Variants in DSCAM observed in about 807,000 individuals in gnomAD.
The protein encoded by DSCAM is DS cell adhesion molecule.
A neutral mutation model predicts 217.7 loss-of-function variants in DSCAM; 47 were observed. The ratio of observed to expected loss-of-function variants is 0.22; its 90% CI spans 0.17 to 0.28. DSCAM has a LOEUF of 0.28. Ranked by LOEUF, DSCAM falls within the 10% of genes least tolerant of loss-of-function variation. The pLI, the probability that DSCAM is intolerant of heterozygous loss-of-function variation, is 1.00. For missense variants in DSCAM, 2,080 were observed against 2,618.3 expected, an observed-to-expected ratio of 0.79 and a Z score of 4.49; for synonymous variants, 1,056 against 1,015.3, an observed-to-expected ratio of 1.04 and a Z score of -0.76.
At chr21:40,163,070 AACACACAC>A (rs3069756) in intron 16 of DSCAM, among the ~76,000 whole-genome samples, 185 of 143,234 alleles carry the variant, frequency 1.3e-3, no homozygotes, top group African/African-American at 4.2e-3. Flanking sequence ...GACCATGGCA[AACACACAC>A]ACACACACAC....
Position 40,382,049 on chromosome 21 carries a change from C to G in DSCAM, c.509-12804G>C, listed in dbSNP as rs576907721. ...GTCAGAGCAAAAAATGTTTGAAGAG[C>G]CTTTTTCAACATCTTAGTGATGGAA... On this transcript the variant is annotated intron_variant, in intron 3 of 32. Coordinates refer to ENST00000400454, the MANE Select transcript of DSCAM (RefSeq NM_001389.5). Among the ~76,000 whole-genome samples the G allele has an allele frequency of 6.6e-5, 10 of 152,226 alleles. No homozygotes were observed. In the South Asian group the frequency reaches 8.3e-4, roughly 13 times the overall value.
chr21:40,588,924 A>G (rs982207186), intron 3 of DSCAM, among the ~76,000 whole-genome samples: 3 of 152,228 alleles, frequency 2.0e-5, no homozygotes, highest in Admixed American at 6.5e-5. Context: ...AATGATCAGT[A>G]TTCTGTAGCC....
chr21:40,637,458 CAAAT>C (rs1315454152), intron 3 of DSCAM, among the ~76,000 whole-genome samples: 1 of 9,098 alleles, frequency 1.1e-4, no homozygotes, highest in African/African-American at 4.1e-4. Flanking sequence ...TAAATATATA[CAAAT>C]ATATATAAAT....
At chr21:40,793,122 G>T (rs928338963) in intron 1 of DSCAM, among the ~76,000 whole-genome samples, 2 of 152,210 alleles carry the variant, frequency 1.3e-5, no homozygotes, top group African/African-American at 4.8e-5. Context: ...ATAGATGTTT[G>T]CACGTAGTTA....
intron 27 of DSCAM, among the ~76,000 whole-genome samples, chr21:40,068,418 T>C (rs1018738423): frequency 6.6e-6 from 1 of 152,128 alleles, no homozygotes; most frequent in Admixed American, 6.5e-5. Flanking sequence ...AGAAGGAATA[T>C]GTATATGTGC....
chr21:40,669,634 A>G (rs1014808222), intron 3 of DSCAM, among the ~76,000 whole-genome samples: 1 of 150,758 alleles, frequency 6.6e-6, no homozygotes, highest in Non-Finnish European at 1.5e-5. Context: ...GTCAGAGTAC[A>G]GCAGCTTGAT....
intron 3 of DSCAM, among the ~76,000 whole-genome samples, chr21:40,669,675 C>A (rs1411571094): frequency 6.6e-6 from 1 of 151,222 alleles, no homozygotes; most frequent in African/African-American, 2.4e-5. Context: ...ATCTCCCGGG[C>A]TCAAGCAATT....
chr21:40,429,466 C>G (rs2075509485), intron 3 of DSCAM, among the ~76,000 whole-genome samples: 1 of 152,000 alleles, frequency 6.6e-6, no homozygotes, highest in Admixed American at 6.6e-5. Context: ...TGGAGTTTCT[C>G]CATGTTGGTC....
At chr21:40,124,592 G>A (rs1457487997) in intron 19 of DSCAM, among the ~76,000 whole-genome samples, 5 of 152,038 alleles carry the variant, frequency 3.3e-5, no homozygotes, top group African/African-American at 9.7e-5. Flanking sequence ...CAGTACTTCT[G>A]GTGTCCTTAT....
chr21:40,652,008 G>A (rs1488280579), intron 3 of DSCAM, among the ~76,000 whole-genome samples: 1 of 152,092 alleles, frequency 6.6e-6, no homozygotes, highest in African/African-American at 2.4e-5. Context: ...TGTTCTCTAG[G>A]GCCATACTTC....
chr21:40,369,012 C>A (rs2074864380), intron 4 of DSCAM, 87 bp downstream of exon 4: 3 of 1,385,170 alleles, frequency 2.2e-6, no homozygotes, highest in Non-Finnish European at 9.4e-7. Flanking sequence ...ATTTTAGTGG[C>A]AACACTCCAC....
chr21:40,211,227 CA>C (rs2146880139), intron 11 of DSCAM, among the ~76,000 whole-genome samples: 1 of 152,316 alleles, frequency 6.6e-6, no homozygotes, highest in East Asian at 1.9e-4. Context: ...AGCAGCATTC[CA>C]AACTATGGAT....
At chr21:40,115,069 T>C (rs1413148179) in intron 20 of DSCAM, among the ~76,000 whole-genome samples, 1 of 152,158 alleles carries the variant, frequency 6.6e-6, no homozygotes, top group African/African-American at 2.4e-5. Context: ...ACTGGGTATA[T>C]ACCCAAAGGA....
chr21:40,662,573 G>T (rs1473090296), intron 3 of DSCAM, among the ~76,000 whole-genome samples: 2 of 152,140 alleles, frequency 1.3e-5, no homozygotes, highest in African/African-American at 4.8e-5. Context: ...AGCTCTCTTT[G>T]AAGGCAATTA....
chr21:40,564,010 C>T (rs900574952), intron 3 of DSCAM, among the ~76,000 whole-genome samples: 55 of 152,210 alleles, frequency 3.6e-4, no homozygotes, highest in Admixed American at 5.9e-4. Flanking sequence ...GCAAAAGGCA[C>T]GCGGCTGAAA....
chr21:40,604,181 A>G (rs2077084517), intron 3 of DSCAM, among the ~76,000 whole-genome samples: 1 of 151,986 alleles, frequency 6.6e-6, no homozygotes, highest in Admixed American at 6.6e-5. Flanking sequence ...CGTATCTTCA[A>G]GCTCATTGAT....
intron 3 of DSCAM, among the ~76,000 whole-genome samples, chr21:40,475,398 C>G (rs1654622063): frequency 6.6e-6 from 1 of 152,202 alleles, no homozygotes; most frequent in South Asian, 2.1e-4. Flanking sequence ...GAGGCTTCTC[C>G]TAGAACTGGA....
chr21:40,199,471 G>A (rs555218846), intron 11 of DSCAM, among the ~76,000 whole-genome samples: 1 of 152,242 alleles, frequency 6.6e-6, no homozygotes, highest in Admixed American at 6.5e-5. Flanking sequence ...GTGTGCATGT[G>A]TCTTTATTGT....
chr21:40,483,410 A>C (rs1421699940), intron 3 of DSCAM, among the ~76,000 whole-genome samples: 2 of 152,192 alleles, frequency 1.3e-5, no homozygotes, highest in Non-Finnish European at 2.9e-5. Context: ...TAAACGGGCA[A>C]TATATTTATT....
Sources: allele counts gnomAD v4.1 joint callset (sites outside exome capture counted in the v4.1 genomes callset), GRCh38; gene constraint gnomAD v4.1.1; transcripts MANE v1.5; gene names NCBI Gene and HGNC (gene_info 2026-07-23, HGNC 2026-07-21).